Variants in ATP2B2 observed in about 807,000 individuals in gnomAD.
The protein encoded by ATP2B2 is plasma membrane calcium-transporting ATPase 2.
A neutral mutation model predicts 120.0 loss-of-function variants in ATP2B2; 15 were observed. The ratio of observed to expected loss-of-function variants is 0.12; its 90% confidence interval spans 0.08 to 0.19. ATP2B2 has a LOEUF of 0.19. Ranked by LOEUF, ATP2B2 falls within the 10% of genes least tolerant of loss-of-function variation. ATP2B2 has a pLI of 1.00. For synonymous variants in ATP2B2, 694 were observed against 700.3 expected (o/e 0.99, Z 0.14); for missense variants, 1,045 against 1,719.8 (o/e 0.61, Z 6.94).
intron 14 of ATP2B2, among the ~76,000 whole-genome samples, chr3:10,354,364 AAAAT>A (rs763588276): frequency 6.6e-6 from 1 of 152,256 alleles, no homozygotes; most frequent in African/African-American, 2.4e-5. Flanking sequence ...TGTGAAATTA[AAAAT>A]AAATAAATAA....
In ATP2B2 at chr3:10,385,319, C is replaced by T. The variant is rs147881294; in HGVS notation, c.949G>A (p.Gly317Ser). The T allele has an allele frequency of 7.8e-5, 126 of 1,613,664 alleles. No homozygotes were observed. Among genetic ancestry groups the T allele is most frequent in the Non-Finnish European group, 8.4e-5 (99 of 1,179,978 alleles). The change falls in exon 8 of 23, where the codon GGT becomes AGT. Residue 317 changes from glycine to serine, a missense_variant. Around this residue, in one of 11 missense-constraint regions of ATP2B2, gnomAD observed 145 missense variants for 202.0 expected, o/e 0.72. Transcript: ENST00000360273. ...GDGLQLPAAD[G>S]AAASNAADSA... ...TCTGCAGCATTTGAAGCTGCCGCAC[C>T]GTCTGCTGCTGCAGGGGGGTGGGAG...
At chr3:10,529,418 A>G (rs34029315) in intron 3 of ATP2B2, among the ~76,000 whole-genome samples, 16,002 of 152,228 alleles carry the variant, frequency 0.11, 1,280 homozygotes, top group East Asian at 0.47. Flanking sequence ...TTGTGCTGAG[A>G]AAGAGCTCAG....
intron 2 of ATP2B2, among the ~76,000 whole-genome samples, chr3:10,564,783 T>G (rs1423676195): frequency 6.6e-6 from 1 of 152,092 alleles, no homozygotes; most frequent in Non-Finnish European, 1.5e-5. Context: ...AAGGACATGA[T>G]CTCATTTTTT....
At chr3:10,596,026 G>A (rs566981456) in intron 2 of ATP2B2, among the ~76,000 whole-genome samples, 1 of 152,186 alleles carries the variant, frequency 6.6e-6, no homozygotes, top group South Asian at 2.1e-4. Flanking sequence ...TCAGATCTTT[G>A]TAAGCTGCCC....
At chr3:10,551,921 A>T (rs1424189881) in intron 2 of ATP2B2, among the ~76,000 whole-genome samples, 1 of 152,234 alleles carries the variant, frequency 6.6e-6, no homozygotes, top group East Asian at 1.9e-4. Flanking sequence ...CCCTCAGCAA[A>T]TGGAAGTTGC....
At chr3:10,531,171 G>GC (rs1226420528) in intron 3 of ATP2B2, among the ~76,000 whole-genome samples, 1 of 152,188 alleles carries the variant, frequency 6.6e-6, no homozygotes, top group East Asian at 1.9e-4. Context: ...GAACAGGTCA[G>GC]CCCTCAGGGT....
intron 1 of ATP2B2, among the ~76,000 whole-genome samples, chr3:10,706,756 G>T (rs2071902375): frequency 6.6e-6 from 1 of 152,192 alleles, no homozygotes; most frequent in South Asian, 2.1e-4. Context: ...AGTAGCCCTA[G>T]AAGGTGGGGA....
At position 10,488,479 on chromosome 3, in the gene ATP2B2, C is replaced by A. The variant is rs1053207340; in HGVS notation, c.-320+16986G>T. 3.1e-3 allele frequency among the ~76,000 whole-genome samples: 308 copies of A among 98,216 alleles called. 1 individual carries two copies. Among genetic ancestry groups the A allele is most frequent in the African/African-American group, 0.012 (293 of 23,902 alleles). 64.4% of individuals were successfully genotyped at this position (98,216 alleles called of 152,430 possible). ...ACCCTACAAATTCCTTCCTTCCTTC[C>A]TTCCTTCCTTCCTTCCTTCCTTCCT... On this transcript the variant is annotated intron_variant, in intron 1 of 22. Coordinates refer to ENST00000360273, the MANE Select transcript of ATP2B2 (RefSeq NM_001001331.4).
rs143152412 is a variant in ATP2B2, at chr3:10,481,744, G to A, written c.-320+23721C>T. On this transcript the variant is annotated intron_variant, in intron 1 of 22. Coordinates refer to ENST00000360273, the MANE Select transcript of ATP2B2 (RefSeq NM_001001331.4). ...AATTTTTGTATTTTCAGTAGAGATG[G>A]GGTTTCACCATGTTGGCCAGGCTAG... 3.5e-3 allele frequency among the ~76,000 whole-genome samples: 526 copies of A among 152,124 alleles called. 5 individuals carry two copies. Among genetic ancestry groups the A allele is most frequent in the African/African-American group, 0.012 (506 of 41,488 alleles).
At chr3:10,436,299 T>A (rs544256782) in intron 2 of ATP2B2, among the ~76,000 whole-genome samples, 1 of 152,388 alleles carries the variant, frequency 6.6e-6, no homozygotes, top group African/African-American at 2.4e-5. Flanking sequence ...TACATTTCAC[T>A]ATTATCTATT....
intron 1 of ATP2B2, among the ~76,000 whole-genome samples, chr3:10,680,035 G>A (rs2125701348): frequency 6.6e-6 from 1 of 152,324 alleles, no homozygotes; most frequent in Non-Finnish European, 1.5e-5. Flanking sequence ...CCAGCACCTA[G>A]AAAAGGATCT....
chr3:10,411,565 C>T (rs951326923), intron 2 of ATP2B2, among the ~76,000 whole-genome samples: 2 of 152,224 alleles, frequency 1.3e-5, no homozygotes, highest in Non-Finnish European at 2.9e-5. Flanking sequence ...GGCCCTCGCT[C>T]TCTGAGCCTC....
intron 1 of ATP2B2, among the ~76,000 whole-genome samples, chr3:10,495,406 C>T (rs1426183004): frequency 6.6e-6 from 1 of 152,200 alleles, no homozygotes; most frequent in East Asian, 1.9e-4. Context: ...ACAAGCCATC[C>T]CACATCTCTG....
At chr3:10,454,898 G>T (rs2064196675) in intron 1 of ATP2B2, among the ~76,000 whole-genome samples, 1 of 152,090 alleles carries the variant, frequency 6.6e-6, no homozygotes, top group Admixed American at 6.6e-5. Flanking sequence ...TGACCACCTA[G>T]ACTGCATAAA....
In ATP2B2 at chr3:10,525,062, T is replaced by C. The variant is rs59963119; in HGVS notation, c.-320+8977A>G. Among the ~76,000 whole-genome samples, 1,063 of 152,296 alleles carry C rather than the reference T, an allele frequency of 7.0e-3. 10 individuals carry two copies. Among genetic ancestry groups the C allele is most frequent in the African/African-American group, 0.025 (1,034 of 41,576 alleles). Reference sequence around the variant, plus strand: ...AGGAGCTACCTATGAACACTCCCTCTGGGGCCAAGGCCAGTGGGAGAACTG... The same window carrying C: ...AGGAGCTACCTATGAACACTCCCTCCGGGGCCAAGGCCAGTGGGAGAACTG... On this transcript the variant is annotated intron_variant, in intron 3 of 21. Transcript: ENST00000646379.
intron 2 of ATP2B2, among the ~76,000 whole-genome samples, chr3:10,428,388 G>A (rs571791911): frequency 6.6e-6 from 1 of 152,220 alleles, no homozygotes; most frequent in East Asian, 1.9e-4. Flanking sequence ...ATTCAGTGTT[G>A]GTTTGGAACT....
At position 10,338,374 on chromosome 3, in the gene ATP2B2, T is replaced by C. The variant is rs2125358764; in HGVS notation, c.3238-16A>G. 6.2e-7 allele frequency: 1 copy of C among 1,614,134 alleles called. No homozygotes were observed. On this transcript the variant is annotated splice_polypyrimidine_tract_variant and intron_variant, in intron 21 of 22. Coordinates refer to ENST00000360273, the MANE Select transcript of ATP2B2 (RefSeq NM_001001331.4). Reference sequence around the variant, plus strand: ...TGGCGATGACCTGCAAGGGACCCTGTCTGTCAGGACGGTGGGGCTGTCCTT... The same window carrying C: ...TGGCGATGACCTGCAAGGGACCCTGCCTGTCAGGACGGTGGGGCTGTCCTT...
intron 1 of ATP2B2, among the ~76,000 whole-genome samples, chr3:10,628,203 T>C (rs1338513362): frequency 1.3e-5 from 2 of 152,210 alleles, no homozygotes; most frequent in Non-Finnish European, 2.9e-5. Context: ...GCTTTGGACT[T>C]TCTCCTGAGA....
At chr3:10,460,100 G>A (rs2064424075) in intron 1 of ATP2B2, among the ~76,000 whole-genome samples, 1 of 152,246 alleles carries the variant, frequency 6.6e-6, no homozygotes, top group Non-Finnish European at 1.5e-5. Flanking sequence ...CTGGGGCCTA[G>A]GGAGCTGTCT....
Sources: allele counts gnomAD v4.1 joint callset (sites outside exome capture counted in the v4.1 genomes callset), GRCh38; gene constraint gnomAD v4.1.1; regional missense constraint gnomAD v4.1.1; transcripts MANE v1.5; gene names NCBI Gene and HGNC (gene_info 2026-07-23, HGNC 2026-07-21).